Variants in ZNF446 observed in about 807,000 individuals in gnomAD.
ZNF446 encodes the protein zinc finger protein with KRAB and SCAN domains 20.
ZNF446 carries 42 observed loss-of-function variants against 34.0 expected under a neutral mutation model. The observed-to-expected ratio is 1.23, with a 90% CI of 0.96 to 1.60. ZNF446 has a LOEUF of 1.60. ZNF446 is among the 40% of genes most tolerant of loss of function. The probability of loss-of-function intolerance (pLI) is 0.00; values close to 1 mark genes in which losing one functional copy is unlikely to be tolerated. For synonymous variants in ZNF446, 315 were observed against 251.0 expected, an observed-to-expected ratio of 1.25 and a Z score of -2.41; for missense variants, 650 against 600.2, an observed-to-expected ratio of 1.08 and a Z score of -0.87.
rs557935467 is a variant in ZNF446, at chr19:58,480,091, G to A, written c.802+72G>A. On this transcript the variant is annotated intron_variant, in intron 6 of 6. Transcript: ENST00000594369. The surrounding 1 kb of genome is among the most constrained non-coding windows in gnomAD (Gnocchi z 7.2). ...TGGGACCTGAGCCACCCACTCATGG[G>A]GGGACGGGAGCTTGTGCCACGGCCA... 3.9e-6 allele frequency: 6 copies of A among 1,558,200 alleles called. No homozygotes were observed. Among genetic ancestry groups the A allele is most frequent in the Non-Finnish European group, 5.2e-6 (6 of 1,158,292 alleles).
chr19:58,479,915 C>A lies in ZNF446; in HGVS notation c.713-15C>A. On this transcript the variant is annotated splice_polypyrimidine_tract_variant and intron_variant, in intron 5 of 6. Coordinates refer to ENST00000594369, the MANE Select transcript of ZNF446 (RefSeq NM_017908.4). ...ATGCAAACCCCATGCCTAACTGTGC[C>A]CCCCACCCGGGCAGGGTTACCGCCC... is the stretch of plus-strand genomic sequence containing the variant. 1 of 1,556,772 alleles carries A rather than the reference C, an allele frequency of 6.4e-7. No individual in the cohort carries two copies. Among genetic ancestry groups the A allele is most frequent in the Non-Finnish European group, 8.7e-7 (1 of 1,153,212 alleles).
intron 3 of ZNF446, 126 bp downstream of exon 3, chr19:58,477,952 G>A (rs760580909): frequency 5.0e-5 from 66 of 1,308,728 alleles, no homozygotes; most frequent in Non-Finnish European, 6.4e-5. Context: ...GGATGTCCCT[G>A]TCTGGGATGG....
intron 2 of ZNF446, 35 bp from the exon 3 acceptor site, chr19:58,477,602 G>A (rs2053099933): frequency 6.2e-7 from 1 of 1,613,300 alleles, no homozygotes; most frequent in African/African-American, 1.3e-5. Context: ...GATAGACCCT[G>A]GCTAGAGCCA....
chr19:58,480,343 C>T lies in ZNF446; in HGVS notation c.970C>T (p.Pro324Ser), dbSNP rs148816960. 5 of 1,596,106 alleles carry T rather than the reference C, an allele frequency of 3.1e-6. No homozygotes were observed. In the East Asian group the frequency reaches 1.1e-4, roughly 36 times the overall value. ...QPTPAETRLE[P>S]AATPRKPYTC... ...CACACCTGCAGAGACGAGACTGGAG[C>T]CGGCTGCCACCCCCAGGAAGCCCTA... Residue 324 changes from proline (P) to serine (S), a missense_variant, in exon 7 of 7, where the codon CCG becomes TCG. Pro to Ser is a moderately conservative substitution (Grantham distance 74, BLOSUM62 -1). Transcript: ENST00000594369. This position sits in a 1 kb window ranked among gnomAD's most constrained non-coding sequence, Gnocchi z 7.2.
chr19:58,480,680 C>T lies in ZNF446; in HGVS notation c.1307C>T (p.Ser436Leu), dbSNP rs754920927. 33 of 1,609,850 alleles carry T rather than the reference C, an allele frequency of 2.0e-5. 1 individual carries two copies. Among genetic ancestry groups the T allele is most frequent in the African/African-American group, 8.0e-5 (6 of 74,916 alleles). The change falls in exon 7 of 7, where the codon TCG (serine) becomes TTG (leucine). Residue 436 changes from serine to leucine, a missense_variant. Transcript: ENST00000594369. This position sits in a 1 kb window ranked among gnomAD's most constrained non-coding sequence, Gnocchi z 7.2. ...SDCGRAFDWKSQLVIHRKGHR... is the reference protein window; with the variant it reads ...SDCGRAFDWKLQLVIHRKGHR... ...TGTGGCCGCGCCTTCGACTGGAAGT[C>T]GCAGCTGGTCATCCACCGCAAGGGC... is the stretch of plus-strand genomic sequence containing the variant.
downstream of ZNF446, among the ~76,000 whole-genome samples, chr19:58,484,367 G>C (rs1195028668): frequency 1.3e-5 from 2 of 151,054 alleles, no homozygotes; most frequent in African/African-American, 2.4e-5. Flanking sequence ...TTGGAAGGCT[G>C]AGGCAGGAGG....
At chr19:58,487,391 G>T in the ZNF446 span, among the ~76,000 whole-genome samples, 1 of 152,122 alleles carries the variant, frequency 6.6e-6, no homozygotes, top group Non-Finnish European at 1.5e-5. Flanking sequence ...GAAACAACTG[G>T]CAAGTTTAAT....
the ZNF446 span, among the ~76,000 whole-genome samples, chr19:58,486,663 C>T: frequency 2.0e-5 from 3 of 151,898 alleles, no homozygotes; most frequent in African/African-American, 7.3e-5. Flanking sequence ...CCACCTCGGC[C>T]TCCCCAAAGT....
At chr19:58,487,202 T>C in the ZNF446 span, among the ~76,000 whole-genome samples, 1 of 152,200 alleles carries the variant, frequency 6.6e-6, no homozygotes, top group African/African-American at 2.4e-5. Flanking sequence ...TGATGAGTTA[T>C]CACTCCTGTG....
Position 58,481,165 on chromosome 19 carries a change from T to C in ZNF446, c.*439T>C, listed in dbSNP as rs142310880. 4.1e-4 allele frequency: 71 copies of C among 172,846 alleles called. No homozygotes were observed. Among genetic ancestry groups the C allele is most frequent in the Non-Finnish European group, 7.5e-4 (61 of 81,010 alleles). The allele number at this position is 172,846 out of a possible 1,614,324, so 10.7% of individuals were successfully genotyped here. ...CAGCAGAAGACCCAGGAAAGCACAG[T>C]TGGCTTCCGTTTCTCCTGCTCCCTG... On this transcript the variant is annotated 3_prime_UTR_variant, in exon 7 of 7. Coordinates refer to ENST00000594369, the MANE Select transcript of ZNF446 (RefSeq NM_017908.4).
downstream of ZNF446, among the ~76,000 whole-genome samples, chr19:58,484,757 A>G (rs1399585759): frequency 6.6e-6 from 1 of 152,056 alleles, no homozygotes; most frequent in Non-Finnish European, 1.5e-5. Flanking sequence ...TGAAATGCAA[A>G]TAAAATATAC....
chr19:58,477,856 G>C lies in ZNF446; in HGVS notation c.532+30G>C, dbSNP rs746548375. 4.0e-6 allele frequency: 6 copies of C among 1,500,196 alleles called. No individual in the cohort carries two copies. In the African/African-American group the frequency reaches 5.6e-5, roughly 14 times the overall value. 92.9% of individuals were successfully genotyped at this position (1,500,196 alleles called of 1,614,324 possible). ...GGTTGGGGTCCCACCAGAGATGAGG[G>C]ACTCCTGGAGGAAGTGTGGACATTC... On this transcript the variant is annotated intron_variant, in intron 3 of 6. Transcript: ENST00000594369.
At chr19:58,489,373 G>A in the ZNF446 span, among the ~76,000 whole-genome samples, 75 of 152,042 alleles carry the variant, frequency 4.9e-4, no homozygotes, top group African/African-American at 1.7e-3. Context: ...AACTGACTCC[G>A]CGCAAGACGA....
chr19:58,477,403 AGGAGCAGATGCTGGAGATGCTGGTGCT>A lies in ZNF446; in HGVS notation c.193_219del (p.Met65_Gln73del), dbSNP rs781327174. 2.5e-6 allele frequency: 4 copies of A among 1,613,334 alleles called. No homozygotes were observed. The highest frequency in any genetic ancestry group is 2.2e-5 in the South Asian group (2 of 91,088). On this transcript the variant is annotated inframe_deletion, in exon 2 of 7. Transcript: ENST00000594369. ...TGGCTGCAGCCTGAGGCACACTCCAAGGAGCAGATGCTGGAGATGCTGGTGCTGGAGCAGTTCCTGGGCACACTGCCT... is the reference window on the plus strand; with the variant it reads ...TGGCTGCAGCCTGAGGCACACTCCAAGGAGCAGTTCCTGGGCACACTGCCT...
chr19:58,487,207 C>T, the ZNF446 span, among the ~76,000 whole-genome samples: 1 of 152,258 alleles, frequency 6.6e-6, no homozygotes, highest in East Asian at 1.9e-4. Flanking sequence ...AGTTATCACT[C>T]CTGTGATTTG....
Position 58,480,334 on chromosome 19 carries a change from A to C in ZNF446, c.961A>C (p.Arg321=). ...CACTCAGCCCACACCTGCAGAGACG[A>C]GACTGGAGCCGGCTGCCACCCCCAG... ...VPTQPTPAET[R]LEPAATPRKP... The change falls in exon 7 of 7, where the codon AGA becomes CGA. Residue 321 remains arginine, a synonymous_variant. Coordinates refer to ENST00000594369, the MANE Select transcript of ZNF446 (RefSeq NM_017908.4). This position sits in a 1 kb window ranked among gnomAD's most constrained non-coding sequence, Gnocchi z 7.2. The C allele has an allele frequency of 6.3e-7, 1 of 1,593,040 alleles. No individual in the cohort carries two copies. The highest frequency in any genetic ancestry group is 1.1e-5 in the South Asian group (1 of 88,718).
rs1251501641 is a variant in ZNF446, at chr19:58,481,031, C to A, written c.*305C>A. On this transcript the variant is annotated 3_prime_UTR_variant, in exon 7 of 7. Transcript: ENST00000594369. ...CTCCCTCCCTGTGACATGGCCTGGGCTGACAACACTCCCTCTCCTGGGACC... is the reference window on the plus strand; with the variant it reads ...CTCCCTCCCTGTGACATGGCCTGGGATGACAACACTCCCTCTCCTGGGACC... The A allele has an allele frequency of 2.5e-6, 1 of 405,084 alleles. No individual in the cohort carries two copies. Among genetic ancestry groups the A allele is most frequent in the African/African-American group, 2.0e-5 (1 of 50,330 alleles). The allele number at this position is 405,084 out of a possible 1,614,324, so 25.1% of individuals were successfully genotyped here.
At chr19:58,488,220 T>G in the ZNF446 span, among the ~76,000 whole-genome samples, 1 of 142,766 alleles carries the variant, frequency 7.0e-6, no homozygotes, top group Admixed American at 6.9e-5. Flanking sequence ...GGTCTTCACC[T>G]GCCTTGCTCG....
In ZNF446 at chr19:58,478,138, A is replaced by T. The variant is rs773358170; in HGVS notation, c.584A>T (p.His195Leu). The T allele has an allele frequency of 1.2e-6, 2 of 1,613,934 alleles. No individual in the cohort carries two copies. Among genetic ancestry groups the T allele is most frequent in the African/African-American group, 2.7e-5 (2 of 74,896 alleles). Residue 195 changes from histidine (H) to leucine (L), a missense_variant, in exon 4 of 7, where the codon CAC becomes CTC. By Grantham distance (99) the His-to-Leu change is moderately conservative. Coordinates refer to ENST00000594369, the MANE Select transcript of ZNF446 (RefSeq NM_017908.4). Reference sequence around the variant, plus strand: ...CAGTCCCCTGAGGGGAACCATGGACACCAAGAACCAGCCTCCACATCCTTC... The same window carrying T: ...CAGTCCCCTGAGGGGAACCATGGACTCCAAGAACCAGCCTCCACATCCTTC... ...AAQSPEGNHG[H>L]QEPASTSFHP...
Sources: allele counts gnomAD v4.1 joint callset (sites outside exome capture counted in the v4.1 genomes callset), GRCh38; gene constraint gnomAD v4.1.1; non-coding constraint Gnocchi (gnomAD v3.1); transcripts MANE v1.5; gene names NCBI Gene and HGNC (gene_info 2026-07-23, HGNC 2026-07-21).